Variants in NPPC observed in about 807,000 individuals in gnomAD.
NPPC encodes the protein natriuretic peptide C.
A neutral mutation model predicts 10.2 loss-of-function variants in NPPC; 4 were observed. The observed-to-expected ratio is 0.39, with a 90% CI of 0.19 to 0.90. The LOEUF (loss-of-function observed/expected upper bound fraction) is 0.90. Ranked by LOEUF, NPPC falls within the 40% of genes least tolerant of loss-of-function variation. The probability of loss-of-function intolerance (pLI) is 0.37; values close to 1 mark genes in which losing one functional copy is unlikely to be tolerated. For missense variants in NPPC, 182 were observed against 173.8 expected, an observed-to-expected ratio of 1.05 and a Z score of -0.26; for synonymous variants, 83 against 87.3, an observed-to-expected ratio of 0.95 and a Z score of 0.27.
At position 231,925,634 on chromosome 2, in the gene NPPC, C is replaced by T. The variant is rs13305993; in HGVS notation, c.172G>A (p.Gly58Arg). ...GGQKKGDKAP[G>R]GGGANLKGDR... ...CCCTTGAGATTGGCGCCCCCGCCCC[C>T]GGGAGCCTTGTCGCCCTTCTTCTGA... Residue 58 changes from glycine (G) to arginine (R), a missense_variant, in exon 2 of 3, where the codon GGG (glycine) becomes AGG (arginine). Transcript: ENST00000409852. 6.5e-5 allele frequency: 105 copies of T among 1,607,382 alleles called. No homozygotes were observed. The East Asian group carries it at 2.3e-3, about 35-fold the overall frequency.
chr2:231,922,708 T>A (rs1294647370), intron 2 of NPPC, among the ~76,000 whole-genome samples: 2 of 152,138 alleles, frequency 1.3e-5, no homozygotes, highest in African/African-American at 4.8e-5. Flanking sequence ...TGAGTGACCA[T>A]GGATGGAAGG....
intron 1 of NPPC, 33 bp downstream of exon 1, chr2:231,926,127 T>C: frequency 7.9e-7 from 1 of 1,260,940 alleles, no homozygotes; most frequent in Non-Finnish European, 1.0e-6. Flanking sequence ...CCCACGCCTC[T>C]CCCAGGCTCG....
chr2:231,925,639 G>A lies in NPPC; in HGVS notation c.167C>T (p.Ala56Val), dbSNP rs957817304. The change falls in exon 2 of 3, where the codon GCT becomes GTT. Residue 56 changes from alanine (A) to valine (V), a missense_variant. Transcript: ENST00000409852. The stretch of plus-strand genomic sequence containing the variant: ...GAGATTGGCGCCCCCGCCCCCGGGA[G>A]CCTTGTCGCCCTTCTTCTGACCGCC... ...AGGGQKKGDK[A>V]PGGGGANLKG... 8.0e-5 allele frequency: 129 copies of A among 1,606,438 alleles called. No homozygotes were observed. Among genetic ancestry groups the A allele is most frequent in the Non-Finnish European group, 1.0e-4 (121 of 1,177,952 alleles).
intron 2 of NPPC, among the ~76,000 whole-genome samples, chr2:231,925,019 C>A (rs1346550425): frequency 6.6e-6 from 1 of 152,168 alleles, no homozygotes; most frequent in Non-Finnish European, 1.5e-5. Context: ...TGATCGATGT[C>A]CCCTGGACTT....
chr2:231,924,959 A>G (rs1031187929), intron 2 of NPPC, among the ~76,000 whole-genome samples: 4 of 152,162 alleles, frequency 2.6e-5, no homozygotes, highest in African/African-American at 9.7e-5. Flanking sequence ...GCGCTCTGAC[A>G]GTGCCAGCAG....
Position 231,926,201 on chromosome 2 carries a change from A to AGAGCAGCGT in NPPC, c.40_48dup (p.Thr14_Leu16dup). The stretch of plus-strand genomic sequence containing the variant: ...GGCTTGGCTTCGGAGGGCCGGAGGG[A>AGAGCAGCGT]GAGCAGCGTGAGCAGCAGGGCGCAG... On this transcript the variant is annotated inframe_insertion, in exon 1 of 3. Transcript: ENST00000409852. 2 of 1,330,696 alleles carry AGAGCAGCGT rather than the reference A, an allele frequency of 1.5e-6. No individual in the cohort carries two copies. The highest frequency in any genetic ancestry group is 1.9e-6 in the Non-Finnish European group (2 of 1,037,252). 82.4% of individuals were successfully genotyped at this position (1,330,696 alleles called of 1,614,324 possible).
intron 2 of NPPC, among the ~76,000 whole-genome samples, chr2:231,923,615 C>T (rs3107179): frequency 0.45 from 68,594 of 152,042 alleles, 18,042 homozygotes; most frequent in Non-Finnish European, 0.61. Flanking sequence ...TGGTGTTGGG[C>T]GTAAGCCGGT....
At chr2:231,924,422 GA>G (rs1691971001) in intron 2 of NPPC, among the ~76,000 whole-genome samples, 1 of 152,252 alleles carries the variant, frequency 6.6e-6, no homozygotes, top group Non-Finnish European at 1.5e-5. Context: ...CGTAGCCTGG[GA>G]TGGGACAGTC....
intron 2 of NPPC, among the ~76,000 whole-genome samples, chr2:231,922,893 C>A (rs1198983428): frequency 6.6e-6 from 1 of 152,202 alleles, no homozygotes; most frequent in African/African-American, 2.4e-5. Flanking sequence ...TCGGCAGTGT[C>A]TGGGTCACAG....
intron 1 of NPPC, 49 bp from the exon 2 acceptor site, chr2:231,925,764 G>T (rs779777523): frequency 6.8e-7 from 1 of 1,464,064 alleles, no homozygotes; most frequent in South Asian, 1.4e-5. Context: ...GCTGCAGCAC[G>T]GGGGACTCTG....
rs553054024 is a variant in NPPC at position 231,922,835 on chromosome 2, C to A, written c.*21-520G>T. The stretch of plus-strand genomic sequence containing the variant: ...CACCCATAAAATTGGATAATAGCCA[C>A]CTCCTAGGGCTGGCTTTCAGATTCA... On this transcript the variant is annotated intron_variant, in intron 2 of 2. Coordinates refer to ENST00000409852, the MANE Select transcript of NPPC (RefSeq NM_024409.4). 2.4e-4 allele frequency among the ~76,000 whole-genome samples: 37 copies of A among 152,270 alleles called. 2 individuals carry two copies. The South Asian group carries it at 7.5e-3, about 31-fold the overall frequency.
chr2:231,926,100 C>A, intron 1 of NPPC, 60 bp downstream of exon 1: 1 of 1,194,964 alleles, frequency 8.4e-7, no homozygotes. Context: ...GCGCCGCATT[C>A]TCCAAGCCCC....
intron 2 of NPPC, among the ~76,000 whole-genome samples, chr2:231,924,382 G>C (rs1691970439): frequency 6.6e-6 from 1 of 152,258 alleles, no homozygotes; most frequent in Admixed American, 6.5e-5. Flanking sequence ...ACACTGACAA[G>C]GGTTTCTGGG....
chr2:231,924,853 A>C (rs34476824), intron 2 of NPPC, among the ~76,000 whole-genome samples: 6 of 152,176 alleles, frequency 3.9e-5, no homozygotes, highest in Non-Finnish European at 7.3e-5. Context: ...CCCCGAAGCC[A>C]CCAGGCTGCA....
chr2:231,925,399 A>G lies in NPPC; in HGVS notation c.*20+6T>C, dbSNP rs1223367272. 39 of 1,578,066 alleles carry G rather than the reference A, an allele frequency of 2.5e-5. No individual in the cohort carries two copies. In the Admixed American group the frequency reaches 6.6e-4, roughly 27 times the overall value. On this transcript the variant is annotated splice_donor_region_variant and intron_variant, in intron 2 of 2. Transcript: ENST00000409852. ...TGGGGCTGGGCGTCGGGTGGGCCGT[A>G]CTCACCGCCGCCAGGGGGCGCCGCA...
chr2:231,921,918 T>A lies in NPPC; in HGVS notation c.*418A>T, dbSNP rs1691934860. The A allele has an allele frequency of 6.6e-6, 1 of 151,856 alleles. No homozygotes were observed. The highest frequency in any genetic ancestry group is 1.5e-5 in the Non-Finnish European group (1 of 67,976). The allele number at this position is 151,856 out of a possible 1,614,324, so 9.4% of individuals were successfully genotyped here. ...TTTCATTTAGTTACATAAATAAAAT[T>A]TTTATAAATATCTCTTTATAAACAA... is the stretch of plus-strand genomic sequence containing the variant. On this transcript the variant is annotated 3_prime_UTR_variant, in exon 3 of 3. Coordinates refer to ENST00000409852, the MANE Select transcript of NPPC (RefSeq NM_024409.4).
chr2:231,923,613 G>C (rs1216837352), intron 2 of NPPC, among the ~76,000 whole-genome samples: 1 of 152,216 alleles, frequency 6.6e-6, no homozygotes, highest in African/African-American at 2.4e-5. Context: ...GCTGGTGTTG[G>C]GCGTAAGCCG....
Position 231,925,697 on chromosome 2 carries a change from C to A in NPPC, c.109G>T (p.Ala37Ser). The A allele has an allele frequency of 6.3e-7, 1 of 1,579,500 alleles. No homozygotes were observed. The highest frequency in any genetic ancestry group is 1.1e-5 in the South Asian group (1 of 87,288). Reference protein sequence around the residue: ...APPKVPRTPPAEELAEPQAAG... With the variant: ...APPKVPRTPPSEELAEPQAAG... The stretch of plus-strand genomic sequence containing the variant: ...GCCTGCGGCTCGGCCAGCTCCTCTG[C>A]CGGCGGGGTTCGCGGGACCTGTCCG... The change falls in exon 2 of 3, where the codon GCA (alanine) becomes TCA (serine). Residue 37 changes from alanine to serine, a missense_variant. Coordinates refer to ENST00000409852, the MANE Select transcript of NPPC (RefSeq NM_024409.4).
rs1017805376 is a variant in NPPC at position 231,926,307 on chromosome 2, G to C, written c.-58C>G. The C allele has an allele frequency of 2.6e-6, 3 of 1,150,696 alleles. No homozygotes were observed. The Admixed American group carries it at 1.2e-4, about 47-fold the overall frequency. 71.3% of individuals were successfully genotyped at this position (1,150,696 alleles called of 1,614,324 possible). ...GGCAGCGAGGGCGCGCAGGTCGGCG[G>C]GCAGACCAGCAGGGGGATGCGGAGC... On this transcript the variant is annotated 5_prime_UTR_variant, in exon 1 of 3. Coordinates refer to ENST00000409852, the MANE Select transcript of NPPC (RefSeq NM_024409.4).
Sources: allele counts gnomAD v4.1 joint callset (sites outside exome capture counted in the v4.1 genomes callset), GRCh38; gene constraint gnomAD v4.1.1; transcripts MANE v1.5; gene names NCBI Gene and HGNC (gene_info 2026-07-23, HGNC 2026-07-21).